CRHR1: variants seen among roughly 807,000 people sequenced by gnomAD.
CRHR1 encodes the protein corticotropin-releasing hormone receptor 1.
Under a neutral mutation model 56.0 loss-of-function variants are expected in CRHR1, and 28 were observed. The ratio of observed to expected loss-of-function variants is 0.50; its 90% CI spans 0.37 to 0.69. The LOEUF is 0.69. CRHR1 is among the 30% of genes least tolerant of loss of function. The pLI is 0.00. For missense variants in CRHR1, 376 were observed against 548.0 expected (o/e 0.69, Z 3.13); for synonymous variants, 195 against 216.5 (o/e 0.90, Z 0.87).
chr17:45,799,114 C>A (rs989477008), intron 1 of CRHR1, among the ~76,000 whole-genome samples: 3 of 152,176 alleles, frequency 2.0e-5, no homozygotes, highest in African/African-American at 7.2e-5. Context: ...TGTGCCTAGT[C>A]TAGTTTTACT....
At chr17:45,796,484 C>A (rs142675978) in intron 1 of CRHR1, among the ~76,000 whole-genome samples, 3 of 152,204 alleles carry the variant, frequency 2.0e-5, no homozygotes, top group Non-Finnish European at 4.4e-5. Flanking sequence ...TTTGGAGGAT[C>A]CAGGCTTGTG....
At chr17:45,789,911 G>A (rs1420093084) in intron 1 of CRHR1, among the ~76,000 whole-genome samples, 2 of 152,228 alleles carry the variant, frequency 1.3e-5, no homozygotes, top group African/African-American at 2.4e-5. Context: ...TGAGATGCCA[G>A]GTGTGAAATT....
chr17:45,806,102 C>T (rs1052472259), intron 1 of CRHR1, among the ~76,000 whole-genome samples: 1 of 152,172 alleles, frequency 6.6e-6, no homozygotes, highest in Admixed American at 6.5e-5. Flanking sequence ...CCCATGGCAA[C>T]ACAGCGTAAC....
At chr17:45,830,708 C>CCCCCAAGAGGAGCAGAG in intron 7 of CRHR1, 138 bp downstream of exon 7, 1 of 1,247,692 alleles carries the variant, frequency 8.0e-7, no homozygotes, top group Non-Finnish European at 1.1e-6. Flanking sequence ...CGATAGCCCT[C>CCCCCAAGAGGAGCAGAG]TGCTCCTCTT....
At chr17:45,810,638 T>C (rs2061804772) in intron 2 of CRHR1, among the ~76,000 whole-genome samples, 1 of 151,910 alleles carries the variant, frequency 6.6e-6, no homozygotes, top group African/African-American at 2.4e-5. Flanking sequence ...CCACACTAGG[T>C]TTGCACACGG....
chr17:45,825,042 G>T (rs922105601), intron 4 of CRHR1, among the ~76,000 whole-genome samples: 1 of 152,052 alleles, frequency 6.6e-6, no homozygotes, highest in Non-Finnish European at 1.5e-5. Flanking sequence ...ATTCCCTTCT[G>T]CCAGCCCCCA....
chr17:45,814,598 G>C (rs1229568378), intron 2 of CRHR1, among the ~76,000 whole-genome samples: 1 of 152,138 alleles, frequency 6.6e-6, no homozygotes, highest in Non-Finnish European at 1.5e-5. Flanking sequence ...GCCTCTATAC[G>C]ATCCTCCCCT....
chr17:45,830,273 C>A (rs16940662), intron 6 of CRHR1, 59 bp downstream of exon 6: 112,910 of 1,520,198 alleles, frequency 0.074, 4,235 homozygotes, highest in East Asian at 0.12. Flanking sequence ...AGAGGAGGGG[C>A]CCGCCTGCCC....
intron 2 of CRHR1, among the ~76,000 whole-genome samples, chr17:45,811,379 T>A (rs763067870): frequency 3.3e-5 from 5 of 152,236 alleles, no homozygotes; most frequent in Non-Finnish European, 7.3e-5. Context: ...TTGCAGGGAT[T>A]TGAGGCAGTC....
At chr17:45,791,625 C>G (rs1222102676) in intron 1 of CRHR1, among the ~76,000 whole-genome samples, 2 of 152,118 alleles carry the variant, frequency 1.3e-5, no homozygotes, top group African/African-American at 4.8e-5. Flanking sequence ...CCACCCATCC[C>G]TATCCTGGTG....
intron 1 of CRHR1, among the ~76,000 whole-genome samples, chr17:45,805,437 C>A (rs560619624): frequency 6.6e-6 from 1 of 152,232 alleles, no homozygotes; most frequent in African/African-American, 2.4e-5. Context: ...AGGGACTTGA[C>A]AAGCCCCTAC....
chr17:45,834,138 G>C, intron 12 of CRHR1, 90 bp downstream of exon 12: 1 of 1,505,872 alleles, frequency 6.6e-7, no homozygotes, highest in Non-Finnish European at 9.2e-7. Flanking sequence ...CCCCTCCCAG[G>C]GCTGCCTCTC....
At chr17:45,823,403 CTTTTTTT>C (rs71138512) in intron 4 of CRHR1, among the ~76,000 whole-genome samples, 1 of 100,602 alleles carries the variant, frequency 9.9e-6, no homozygotes, top group Non-Finnish European at 2.0e-5. Context: ...GGGACATTCC[CTTTTTTT>C]TTTTTTTTTT....
intron 2 of CRHR1, among the ~76,000 whole-genome samples, chr17:45,809,212 C>T (rs561290721): frequency 6.6e-6 from 1 of 152,254 alleles, no homozygotes; most frequent in East Asian, 1.9e-4. Context: ...GAGTGGGAAA[C>T]TGAGAAGGTG....
At chr17:45,810,978 C>T (rs895182431) in intron 2 of CRHR1, among the ~76,000 whole-genome samples, 1 of 152,262 alleles carries the variant, frequency 6.6e-6, no homozygotes, top group African/African-American at 2.4e-5. Flanking sequence ...GGCTGCTCCC[C>T]CTCTGGACAG....
chr17:45,833,693 T>TGGGGGGGGGGCCCCCC, intron 10 of CRHR1, 21 bp from the exon 11 acceptor site: 6 of 1,571,606 alleles, frequency 3.8e-6, no homozygotes, highest in Non-Finnish European at 5.2e-6. Context: ...ACTCCGAGCC[T>TGGGGGGGGGGCCCCCC]CCCCACCCGC....
intron 4 of CRHR1, chr17:45,825,393 C>G (rs1175025373): frequency 6.5e-6 from 1 of 154,574 alleles, no homozygotes; most frequent in Non-Finnish European, 1.5e-5. Flanking sequence ...CCCGCTACTA[C>G]TGTTCACTCC....
chr17:45,823,000 C>T (rs899875093), intron 4 of CRHR1, among the ~76,000 whole-genome samples: 7 of 148,138 alleles, frequency 4.7e-5, no homozygotes, highest in East Asian at 2.0e-4. Flanking sequence ...AAAAATTAGC[C>T]GAGCATGGTG....
chr17:45,795,207 G>T (rs1044488315), intron 1 of CRHR1, among the ~76,000 whole-genome samples: 3 of 152,114 alleles, frequency 2.0e-5, no homozygotes, highest in African/African-American at 4.8e-5. Flanking sequence ...GGTCGCACAG[G>T]GCATTCACCA....
Sources: allele counts gnomAD v4.1 joint callset (sites outside exome capture counted in the v4.1 genomes callset), GRCh38; gene constraint gnomAD v4.1.1; transcripts MANE v1.5; gene names NCBI Gene and HGNC (gene_info 2026-07-23, HGNC 2026-07-21).